The following PPARG variants were observed in gnomAD, a reference collection of about 807,000 sequenced individuals.
PPARG encodes the protein peroxisome proliferator activated receptor gamma, also known as peroxisome proliferator-activated receptor gamma.
Under a neutral mutation model 39.2 loss-of-function variants are expected in PPARG, and 17 were observed. The observed-to-expected ratio is 0.43, with a 90% confidence interval of 0.30 to 0.65. The LOEUF is 0.65. Among genes scored for constraint, PPARG ranks in the 30% least tolerant of loss-of-function variants. PPARG has a pLI of 0.13. For missense variants in PPARG, 406 were observed against 585.9 expected, an observed-to-expected ratio of 0.69 and a Z score of 3.17; for synonymous variants, 223 against 215.7, an observed-to-expected ratio of 1.03 and a Z score of -0.30.
chr3:12,416,785 C>A lies in PPARG; in HGVS notation c.811C>A (p.Gln271Lys), dbSNP rs1239470707. The A allele has an allele frequency of 6.2e-7, 1 of 1,614,122 alleles. No homozygotes were observed. The highest frequency in any genetic ancestry group is 1.7e-5 in the Admixed American group (1 of 60,014). Residue 271 changes from glutamine (Q) to lysine (K), a missense_variant, in exon 7 of 8, where the codon CAG becomes AAG. Physicochemically the swap from Gln to Lys is moderately conservative, Grantham distance 53. Transcript: ENST00000651735. ...CAAACACATCACCCCCCTGCAGGAG[C>A]AGAGCAAAGAGGTGGCCATCCGCAT... ...KFKHITPLQE[Q>K]SKEVAIRIFQ...
chr3:12,419,026 T>C (rs1272310938), intron 7 of PPARG, among the ~76,000 whole-genome samples: 1 of 151,994 alleles, frequency 6.6e-6, no homozygotes, highest in East Asian at 1.9e-4. Flanking sequence ...CTCACTGCAA[T>C]CTCCACCTCC....
At chr3:12,412,347 T>C (rs1329396764) in intron 6 of PPARG, among the ~76,000 whole-genome samples, 2 of 152,162 alleles carry the variant, frequency 1.3e-5, no homozygotes, top group African/African-American at 4.8e-5. Context: ...GTATTCTACA[T>C]AGGAAGCATG....
At chr3:12,400,794 T>C (rs1327470153) in intron 5 of PPARG, among the ~76,000 whole-genome samples, 4 of 152,228 alleles carry the variant, frequency 2.6e-5, no homozygotes, top group Admixed American at 6.5e-5. Flanking sequence ...AATTTAGAGC[T>C]AGAGGAAGGA....
At chr3:12,432,289 A>G (rs2051687210) in intron 7 of PPARG, among the ~76,000 whole-genome samples, 1 of 152,242 alleles carries the variant, frequency 6.6e-6, no homozygotes, top group African/African-American at 2.4e-5. Flanking sequence ...CTACAAATAC[A>G]AAAACTCTAT....
chr3:12,297,109 G>A (rs1271926496), intron 1 of PPARG, among the ~76,000 whole-genome samples: 1 of 152,168 alleles, frequency 6.6e-6, no homozygotes, highest in African/African-American at 2.4e-5. Flanking sequence ...TTTCATAAAA[G>A]CATTGTTATA....
chr3:12,354,733 G>A (rs1043143136), intron 2 of PPARG, among the ~76,000 whole-genome samples: 6 of 138,728 alleles, frequency 4.3e-5, no homozygotes, highest in East Asian at 2.1e-4. Flanking sequence ...CAGCCTGGGC[G>A]ACAGAGCGAG....
chr3:12,433,844 C>T, intron 7 of PPARG, 54 bp from the exon 8 acceptor site: 4 of 1,612,318 alleles, frequency 2.5e-6, no homozygotes, highest in Non-Finnish European at 3.4e-6. Flanking sequence ...AGGCGGGGCC[C>T]AGAGGATTTT....
chr3:12,305,497 A>C lies in PPARG; in HGVS notation c.-82-6883A>C, dbSNP rs181492451. Reference sequence around the variant, plus strand: ...TGTTGAATAACTCCTAATTGTCTTTAACAACCTTGGTTTCTGTCCTCTTTT... The same window carrying C: ...TGTTGAATAACTCCTAATTGTCTTTCACAACCTTGGTTTCTGTCCTCTTTT... On this transcript the variant is annotated intron_variant, in intron 1 of 7. Coordinates refer to ENST00000651735, the MANE Select transcript of PPARG (RefSeq NM_138711.6). Among the ~76,000 whole-genome samples, 107 of 152,366 alleles carry C rather than the reference A, an allele frequency of 7.0e-4. 1 individual carries two copies. The South Asian group carries it at 0.013, about 19-fold the overall frequency.
intron 6 of PPARG, among the ~76,000 whole-genome samples, chr3:12,409,034 C>G (rs560828552): frequency 4.6e-5 from 7 of 152,126 alleles, no homozygotes; most frequent in Non-Finnish European, 7.3e-5. Flanking sequence ...GAGAGGGCTG[C>G]GAAATGCTTG....
intron 5 of PPARG, among the ~76,000 whole-genome samples, chr3:12,393,210 T>A (rs1303121275): frequency 2.7e-5 from 4 of 150,786 alleles, no homozygotes. Context: ...TTTTTTTTTT[T>A]TTTTGCTGTT....
At chr3:12,364,110 A>G (rs2048938256) in intron 2 of PPARG, among the ~76,000 whole-genome samples, 1 of 152,078 alleles carries the variant, frequency 6.6e-6, no homozygotes, top group African/African-American at 2.4e-5. Context: ...TTCGTGTTAT[A>G]TTCTCTGGGT....
chr3:12,345,435 G>C (rs766274522), intron 2 of PPARG, among the ~76,000 whole-genome samples: 4 of 152,130 alleles, frequency 2.6e-5, no homozygotes, highest in Non-Finnish European at 4.4e-5. Context: ...TCATGCTGAT[G>C]ACTTCCACCA....
chr3:12,347,966 G>A (rs934790613), intron 2 of PPARG, among the ~76,000 whole-genome samples: 10 of 151,984 alleles, frequency 6.6e-5, no homozygotes, highest in Admixed American at 1.3e-4. Context: ...TGAGGTTATA[G>A]CAAAAGAAAA....
chr3:12,301,478 G>T (rs1177120991), intron 1 of PPARG: 1 of 152,186 alleles, frequency 6.6e-6, no homozygotes, highest in Non-Finnish European at 1.5e-5. Context: ...TGAATCACAA[G>T]TATTATCATC....
intron 5 of PPARG, among the ~76,000 whole-genome samples, chr3:12,404,543 C>T (rs1025782759): frequency 6.6e-6 from 1 of 152,190 alleles, no homozygotes; most frequent in African/African-American, 2.4e-5. Context: ...GTGGCTCATG[C>T]CTGTAACCCC....
intron 1 of PPARG, among the ~76,000 whole-genome samples, chr3:12,304,062 A>G (rs947839947): frequency 3.3e-5 from 5 of 152,216 alleles, no homozygotes; most frequent in African/African-American, 9.6e-5. Context: ...CTATTCTCTA[A>G]TGCCTTCTCA....
At chr3:12,361,161 T>TA (rs1490954463) in intron 2 of PPARG, among the ~76,000 whole-genome samples, 3 of 152,234 alleles carry the variant, frequency 2.0e-5, no homozygotes, top group Non-Finnish European at 4.4e-5. Flanking sequence ...TCTAAAAAGT[T>TA]AAACACTTTA....
chr3:12,369,431 A>G (rs2049130753), intron 2 of PPARG, among the ~76,000 whole-genome samples: 1 of 152,124 alleles, frequency 6.6e-6, no homozygotes, highest in Non-Finnish European at 1.5e-5. Flanking sequence ...GTTTGAGGCT[A>G]CAGTGAGCTG....
At chr3:12,363,688 G>A (rs191180798) in intron 2 of PPARG, among the ~76,000 whole-genome samples, 74 of 152,160 alleles carry the variant, frequency 4.9e-4, no homozygotes, top group African/African-American at 1.7e-3. Context: ...GCAGATCTGC[G>A]GTGGCTCCCT....
Sources: gnomAD v4.1 joint callset for allele counts (sites outside exome capture counted in the v4.1 genomes callset) on GRCh38, gnomAD v4.1.1 for gene constraint, MANE v1.5 for transcripts, NCBI Gene and HGNC (gene_info 2026-07-23, HGNC 2026-07-21) for gene names.